The following OCIAD2 variants were observed in gnomAD, a reference collection of about 807,000 sequenced individuals.
OCIAD2 encodes the protein OCIA domain-containing protein 2.
A neutral mutation model predicts 22.9 loss-of-function variants in OCIAD2; 29 were observed. The observed-to-expected ratio is 1.27, with a 90% CI of 0.94 to 1.73. The LOEUF (loss-of-function observed/expected upper bound fraction) is 1.73. OCIAD2 is among the 40% of genes most tolerant of loss of function. OCIAD2 has a pLI of 0.00. For missense variants in OCIAD2, 189 were observed against 180.3 expected (o/e 1.05, Z -0.28); for synonymous variants, 67 against 60.2 (o/e 1.11, Z -0.52).
At chr4:48,902,166 A>G (rs1432921866) in intron 2 of OCIAD2, among the ~76,000 whole-genome samples, 3 of 152,102 alleles carry the variant, frequency 2.0e-5, no homozygotes, top group East Asian at 3.9e-4. Flanking sequence ...TTTGCCATTT[A>G]TCTCCAAGGT....
At chr4:48,901,152 C>A (rs1781406264) in intron 2 of OCIAD2, among the ~76,000 whole-genome samples, 1 of 151,824 alleles carries the variant, frequency 6.6e-6, no homozygotes, top group South Asian at 2.1e-4. Flanking sequence ...ATATTTTATT[C>A]TTCAAATATT....
At chr4:48,898,944 G>A in intron 3 of OCIAD2, among the ~76,000 whole-genome samples, 1 of 152,054 alleles carries the variant, frequency 6.6e-6, no homozygotes, top group Non-Finnish European at 1.5e-5. Context: ...TGGGCAAATT[G>A]GTCATAGTGA....
intron 2 of OCIAD2, among the ~76,000 whole-genome samples, chr4:48,900,400 A>G (rs1781390274): frequency 6.6e-6 from 1 of 152,026 alleles, no homozygotes; most frequent in Admixed American, 6.6e-5. Context: ...GTATATATGC[A>G]CTTCTGTATG....
chr4:48,906,222 C>T (rs1435730593), intron 1 of OCIAD2, among the ~76,000 whole-genome samples: 1 of 152,184 alleles, frequency 6.6e-6, no homozygotes, highest in African/African-American at 2.4e-5. Flanking sequence ...CTCCCACCCC[C>T]CACGCTGGGG....
intron 5 of OCIAD2, chr4:48,893,473 C>G (rs1781227392): frequency 6.6e-6 from 1 of 152,258 alleles, no homozygotes; most frequent in South Asian, 2.1e-4. Flanking sequence ...TGTGGTTACT[C>G]TATTATTAGA....
In OCIAD2 at chr4:48,899,861, C is replaced by G; in HGVS notation, c.131G>C (p.Arg44Pro). The G allele has an allele frequency of 1.2e-6, 2 of 1,613,654 alleles. No homozygotes were observed. The highest frequency in any genetic ancestry group is 1.7e-6 in the Non-Finnish European group (2 of 1,179,858). Residue 44 changes from arginine (R) to proline (P), a missense_variant, in exon 3 of 7, where the codon CGA becomes CCA. Physicochemically the swap from Arg to Pro is moderately radical, Grantham distance 103. Transcript: ENST00000508632. ...IHRAEISKIM[R>P]ECQEESFWKR... ...CCAGAAACTTTCTTCCTGACATTCT[C>G]GCATAATCTTTGAGATCTCTGCTCT...
At chr4:48,889,491 C>G (rs566335575) in intron 6 of OCIAD2, among the ~76,000 whole-genome samples, 30 of 152,138 alleles carry the variant, frequency 2.0e-4, no homozygotes, top group Non-Finnish European at 4.4e-5. Flanking sequence ...ATGCAGCCAA[C>G]AGACACATGA....
At chr4:48,890,849 C>A (rs778584111) in intron 6 of OCIAD2, among the ~76,000 whole-genome samples, 8 of 152,166 alleles carry the variant, frequency 5.3e-5, no homozygotes, top group Non-Finnish European at 1.0e-4. Context: ...GTAGCAAGGC[C>A]AGCAACTGCT....
At chr4:48,894,116 T>G in intron 4 of OCIAD2, 63 bp from the exon 5 acceptor site, 1 of 845,624 alleles carries the variant, frequency 1.2e-6, no homozygotes, top group South Asian at 3.4e-5. Context: ...AAGTTATAAA[T>G]TATAAGTTAT....
chr4:48,906,673 C>G lies in OCIAD2; in HGVS notation c.-78G>C, dbSNP rs1781534995. On this transcript the variant is annotated 5_prime_UTR_variant, in exon 1 of 7. Coordinates refer to ENST00000508632, the MANE Select transcript of OCIAD2 (RefSeq NM_001014446.3). ...GGGGGCTCACCTGTGTGGTCTGGGT[C>G]GCCTCCGAGGCCGAGTCCCTCGTTG... The G allele has an allele frequency of 6.6e-6, 1 of 152,640 alleles. No homozygotes were observed. Among genetic ancestry groups the G allele is most frequent in the Admixed American group, 6.5e-5 (1 of 15,284 alleles). 9.5% of individuals were successfully genotyped at this position (152,640 alleles called of 1,614,324 possible). A position where few individuals can be genotyped will look rare whatever the true frequency, so the allele number is the denominator to read the frequency against.
rs780702821 is a variant in OCIAD2 at position 48,897,789 on chromosome 4, A to C, written c.217+15T>G. 4 of 1,594,950 alleles carry C rather than the reference A, an allele frequency of 2.5e-6. No individual in the cohort carries two copies. The African/African-American group carries it at 5.4e-5, about 21-fold the overall frequency. On this transcript the variant is annotated intron_variant, in intron 4 of 6. Coordinates refer to ENST00000508632, the MANE Select transcript of OCIAD2 (RefSeq NM_001014446.3). ...CTCTCTGAAATTAGATTATTTAACA[A>C]ATATTGAATCTTACCTTGGTAGACT...
At chr4:48,890,600 G>T (rs1403167024) in intron 6 of OCIAD2, among the ~76,000 whole-genome samples, 1 of 152,038 alleles carries the variant, frequency 6.6e-6, no homozygotes. Flanking sequence ...AGTTTCCTTA[G>T]GATACCAAGG....
intron 1 of OCIAD2, among the ~76,000 whole-genome samples, chr4:48,905,874 G>A (rs560404330): frequency 3.9e-4 from 60 of 152,274 alleles, no homozygotes; most frequent in African/African-American, 1.4e-3. Flanking sequence ...TGGTGCAAAT[G>A]ACTTAATCCG....
At position 48,904,576 on chromosome 4, in the gene OCIAD2, AGTT is replaced by A. The variant is rs774136068; in HGVS notation, c.-30_-28del. On this transcript the variant is annotated 5_prime_UTR_variant, in exon 2 of 7. Transcript: ENST00000508632. ...ATGACTTTGTGCTTGCTCTCCTTCC[AGTT>A]GTTTATCCTCTGCTTACTCCTTGAC... 3.7e-6 allele frequency: 6 copies of A among 1,610,186 alleles called. No individual in the cohort carries two copies. Among genetic ancestry groups the A allele is most frequent in the Non-Finnish European group, 5.1e-6 (6 of 1,176,656 alleles).
intron 4 of OCIAD2, among the ~76,000 whole-genome samples, chr4:48,896,727 A>G (rs1781310619): frequency 6.6e-6 from 1 of 152,018 alleles, no homozygotes; most frequent in Non-Finnish European, 1.5e-5. Context: ...TGAGCCCAAC[A>G]GTTTGAGGAC....
intron 6 of OCIAD2, among the ~76,000 whole-genome samples, chr4:48,890,222 G>T (rs1781128703): frequency 6.6e-6 from 1 of 151,726 alleles, no homozygotes; most frequent in Admixed American, 6.6e-5. Flanking sequence ...AACCTGCAAT[G>T]TTGTGCACAT....
Position 48,892,823 on chromosome 4 carries a change from T to C in OCIAD2, c.332A>G (p.His111Arg), listed in dbSNP as rs1781206288. The change falls in exon 6 of 7, where the codon CAT (histidine) becomes CGT (arginine). Residue 111 changes from histidine to arginine, a missense_variant. His to Arg is a conservative substitution (Grantham distance 29). Transcript: ENST00000508632. ...SYIGVCQSKF[H>R]FFEDQLRGAG... Reference sequence around the variant, plus strand: ...CCCACGGAGCTGATCTTCAAAAAAATGGAATTTACTCTGGCATACTCCTAT... The same window carrying C: ...CCCACGGAGCTGATCTTCAAAAAAACGGAATTTACTCTGGCATACTCCTAT... 8 of 1,613,196 alleles carry C rather than the reference T, an allele frequency of 5.0e-6. No individual in the cohort carries two copies. Among genetic ancestry groups the C allele is most frequent in the South Asian group, 4.4e-5 (4 of 90,856 alleles).
In OCIAD2 at chr4:48,901,927, T is replaced by G. The variant is rs78179598; in HGVS notation, c.67-2002A>C. Among the ~76,000 whole-genome samples the G allele has an allele frequency of 3.1e-3, 473 of 151,946 alleles. 1 individual carries two copies. Among genetic ancestry groups the G allele is most frequent in the African/African-American group, 0.011 (443 of 41,412 alleles). ...CCAGCTAATTGAAAAAACCATTTTT[T>G]TAATAGAGCTGGGGGAGGCGTGGGG... On this transcript the variant is annotated intron_variant, in intron 2 of 6. Transcript: ENST00000508632.
chr4:48,896,919 G>A (rs1401068182), intron 4 of OCIAD2, among the ~76,000 whole-genome samples: 1 of 152,194 alleles, frequency 6.6e-6, no homozygotes, highest in Non-Finnish European at 1.5e-5. Flanking sequence ...GAAGAAGGAA[G>A]AACAGAGAGG....
Sources: allele counts gnomAD v4.1 joint callset (sites outside exome capture counted in the v4.1 genomes callset), GRCh38; gene constraint gnomAD v4.1.1; transcripts MANE v1.5; gene names NCBI Gene and HGNC (gene_info 2026-07-23, HGNC 2026-07-21).